COX7A2L: variants seen among roughly 807,000 people sequenced by gnomAD.
The protein encoded by COX7A2L is cytochrome c oxidase subunit 7A2-like, mitochondrial.
A neutral mutation model predicts 14.2 loss-of-function variants in COX7A2L; 18 were observed. That is an observed-to-expected ratio of 1.27 (90% CI 0.88 to 1.88). The LOEUF (loss-of-function observed/expected upper bound fraction) is 1.88. Among genes scored for constraint, COX7A2L ranks in the 40% most tolerant of loss-of-function variants. COX7A2L has a pLI of 0.00. For synonymous variants in COX7A2L, 65 were observed against 57.4 expected, an observed-to-expected ratio of 1.13 and a Z score of -0.60; for missense variants, 179 against 138.8, an observed-to-expected ratio of 1.29 and a Z score of -1.46.
chr2:42,346,439 T>C (rs980051298), downstream of COX7A2L, among the ~76,000 whole-genome samples: 4 of 152,180 alleles, frequency 2.6e-5, no homozygotes, highest in African/African-American at 7.2e-5. Context: ...CTAGAGACTA[T>C]TCCTGAGGAA....
Position 42,360,467 on chromosome 2 carries a change from A to C in COX7A2L, c.72+623T>G, listed in dbSNP as rs187235635. Among the ~76,000 whole-genome samples, 136 of 152,314 alleles carry C rather than the reference A, an allele frequency of 8.9e-4. 1 individual carries two copies. The highest frequency in any genetic ancestry group is 3.1e-3 in the African/African-American group (129 of 41,576). Reference sequence around the variant, plus strand: ...GGAGAGTCAAACTCCAATTGGTAGAATCTGCGTGAAATGGAATACTTTTCA... The same window carrying C: ...GGAGAGTCAAACTCCAATTGGTAGACTCTGCGTGAAATGGAATACTTTTCA... On this transcript the variant is annotated intron_variant, in intron 1 of 2. Coordinates refer to ENST00000234301, the MANE Select transcript of COX7A2L (RefSeq NM_004718.4).
chr2:42,355,714 G>GTCCTT (rs1670793460), intron 1 of COX7A2L, among the ~76,000 whole-genome samples: 1 of 82,868 alleles, frequency 1.2e-5, no homozygotes, highest in Non-Finnish European at 2.5e-5. Context: ...AAAATCCTAC[G>GTCCTT]TTCTTTTTTT....
chr2:42,359,601 C>A, intron 1 of COX7A2L: 1 of 152,214 alleles, frequency 6.6e-6, no homozygotes. Flanking sequence ...ACTGGTTTCC[C>A]TTCTCATCCG....
At chr2:42,361,013 T>G (rs1437347194) in intron 1 of COX7A2L, 77 bp downstream of exon 1, 9 of 1,523,994 alleles carry the variant, frequency 5.9e-6, no homozygotes, top group Non-Finnish European at 8.1e-6. Context: ...CTCCCCTGGC[T>G]CCAACGCCGC....
chr2:42,351,135 A>C lies in COX7A2L; in HGVS notation c.*84T>G. ...TGCAAAAATGTTAAGCCATCCAAGT[A>C]AAAAAAAAAATTTTAATTTAACAAT... On this transcript the variant is annotated 3_prime_UTR_variant, in exon 3 of 3. Transcript: ENST00000234301. 1.1e-6 allele frequency: 1 copy of C among 915,688 alleles called. No individual in the cohort carries two copies. Among genetic ancestry groups the C allele is most frequent in the Non-Finnish European group, 1.5e-6 (1 of 676,606 alleles). 56.7% of individuals were successfully genotyped at this position (915,688 alleles called of 1,614,324 possible).
At chr2:42,343,722 T>C (rs1476016196) in intron 2 of COX7A2L, among the ~76,000 whole-genome samples, 2 of 152,112 alleles carry the variant, frequency 1.3e-5, no homozygotes, top group Non-Finnish European at 2.9e-5. Context: ...GGACAGAAAG[T>C]GAGAGGTTTA....
chr2:42,351,936 G>A (rs1670660644), intron 2 of COX7A2L, among the ~76,000 whole-genome samples: 1 of 152,166 alleles, frequency 6.6e-6, no homozygotes, highest in Admixed American at 6.5e-5. Context: ...TGGGCCATGA[G>A]TGTGCCACTA....
downstream of COX7A2L, among the ~76,000 whole-genome samples, chr2:42,344,439 G>T (rs1210697352): frequency 6.6e-6 from 1 of 152,160 alleles, no homozygotes; most frequent in East Asian, 1.9e-4. Flanking sequence ...ATTGAAATTT[G>T]TTTAAATTTC....
chr2:42,335,661 C>CT (rs1262682295), intron 2 of COX7A2L, among the ~76,000 whole-genome samples: 1 of 152,238 alleles, frequency 6.6e-6, no homozygotes, highest in Non-Finnish European at 1.5e-5. Context: ...AGCCGACTGG[C>CT]TGAGTTACGA....
At chr2:42,355,714 G>A (rs796091065) in intron 1 of COX7A2L, among the ~76,000 whole-genome samples, 16 of 82,876 alleles carry the variant, frequency 1.9e-4, no homozygotes, top group African/African-American at 6.9e-4. Context: ...AAAATCCTAC[G>A]TTCTTTTTTT....
chr2:42,355,506 T>G (rs1180725816), intron 1 of COX7A2L, among the ~76,000 whole-genome samples: 11 of 152,208 alleles, frequency 7.2e-5, no homozygotes, highest in Non-Finnish European at 2.9e-5. Context: ...ACAGCAAAGT[T>G]TTTGAACAGT....
chr2:42,339,681 T>C lies in COX7A2L; in HGVS notation c.193-5812A>G, dbSNP rs903121866. ...TAAAGTGCAGAATCTCAGCGCATTG[T>C]GCACACATATACACCCACACAGCCA... On this transcript the variant is annotated intron_variant, in intron 2 of 2. Coordinates refer to the COX7A2L transcript ENST00000468711. This position sits in a 1 kb window ranked among gnomAD's most constrained non-coding sequence, Gnocchi z 5.4. 6.6e-6 allele frequency among the ~76,000 whole-genome samples: 1 copy of C among 152,172 alleles called. No individual in the cohort carries two copies. The highest frequency in any genetic ancestry group is 1.5e-5 in the Non-Finnish European group (1 of 68,028).
chr2:42,348,841 G>C (rs539686167), downstream of COX7A2L, among the ~76,000 whole-genome samples: 4 of 152,170 alleles, frequency 2.6e-5, no homozygotes, highest in African/African-American at 9.6e-5. Context: ...TTGCTTGAAC[G>C]TGAGAGGCGG....
At position 42,349,777 on chromosome 2, in the gene COX7A2L, C is replaced by A. The variant is rs1670581424; in HGVS notation, c.*1442G>T. On this transcript the variant is annotated 3_prime_UTR_variant, in exon 3 of 3. Coordinates refer to ENST00000234301, the MANE Select transcript of COX7A2L (RefSeq NM_004718.4). ...ATTATGGTTATAAAGGAACACATGTCCTTACTCAGAAGATACCTGCTAAAG... is the reference window on the plus strand; with the variant it reads ...ATTATGGTTATAAAGGAACACATGTACTTACTCAGAAGATACCTGCTAAAG... The A allele has an allele frequency of 6.6e-6, 1 of 152,146 alleles. No homozygotes were observed. The highest frequency in any genetic ancestry group is 1.5e-5 in the Non-Finnish European group (1 of 68,014). The allele number at this position is 152,146 out of a possible 1,614,324, so 9.4% of individuals were successfully genotyped here. A position where few individuals can be genotyped will look rare whatever the true frequency, so the allele number is the denominator to read the frequency against.
chr2:42,346,821 A>C (rs1196649592), downstream of COX7A2L, among the ~76,000 whole-genome samples: 1 of 152,154 alleles, frequency 6.6e-6, no homozygotes, highest in East Asian at 1.9e-4. Flanking sequence ...TTTTTTAAAA[A>C]AATGTTTTAT....
chr2:42,335,629 G>T (rs1297295691), intron 2 of COX7A2L, among the ~76,000 whole-genome samples: 2 of 152,228 alleles, frequency 1.3e-5, no homozygotes, highest in African/African-American at 2.4e-5. Flanking sequence ...TTTCACAGAT[G>T]AAGAAACTTG....
intron 2 of COX7A2L, among the ~76,000 whole-genome samples, chr2:42,341,050 G>C (rs555181529): frequency 1.2e-3 from 185 of 152,182 alleles, no homozygotes; most frequent in Non-Finnish European, 1.9e-3. Flanking sequence ...TAGAGATTCT[G>C]TCTTGGTTAT....
At chr2:42,341,904 G>C (rs116290320) in intron 2 of COX7A2L, among the ~76,000 whole-genome samples, 1 of 152,130 alleles carries the variant, frequency 6.6e-6, no homozygotes, top group African/African-American at 2.4e-5. Context: ...GTCTCTGGAC[G>C]GCTCTAATCA....
At chr2:42,365,937 A>G (rs1671156155), upstream of COX7A2L, 1 of 152,216 alleles carries the variant, frequency 6.6e-6, no homozygotes, top group African/African-American at 2.4e-5. Context: ...ACCTCCACAC[A>G]TTGCTGGGAG....
Sources: gnomAD v4.1 joint callset for allele counts (sites outside exome capture counted in the v4.1 genomes callset) on GRCh38, gnomAD v4.1.1 for gene constraint, Gnocchi (gnomAD v3.1) non-coding constraint, MANE v1.5 for transcripts, NCBI Gene and HGNC (gene_info 2026-07-23, HGNC 2026-07-21) for gene names.